TRHDE: variants seen among roughly 807,000 people sequenced by gnomAD.
TRHDE encodes the protein thyrotropin-releasing hormone-degrading ectoenzyme.
A neutral mutation model predicts 125.7 loss-of-function variants in TRHDE; 72 were observed. The observed-to-expected ratio is 0.57, with a 90% CI of 0.47 to 0.70. TRHDE has a LOEUF of 0.70. Among genes scored for constraint, TRHDE ranks in the 30% least tolerant of loss-of-function variants. TRHDE has a pLI of 0.00. For missense variants in TRHDE, 1,110 were observed against 1,327.1 expected, an observed-to-expected ratio of 0.84 and a Z score of 2.54; for synonymous variants, 509 against 509.1, an observed-to-expected ratio of 1.00 and a Z score of 0.00.
At chr12:72,636,583 G>T (rs1267835681) in intron 15 of TRHDE, among the ~76,000 whole-genome samples, 2 of 151,818 alleles carry the variant, frequency 1.3e-5, no homozygotes, top group African/African-American at 2.4e-5. Flanking sequence ...TCTTGTGCCA[G>T]TTTTCAAAGG....
intron 15 of TRHDE, among the ~76,000 whole-genome samples, chr12:72,648,164 A>G (rs1216914555): frequency 6.6e-6 from 1 of 152,134 alleles, no homozygotes; most frequent in African/African-American, 2.4e-5. Flanking sequence ...GATCATCTCA[A>G]TAAATACAAA....
chr12:72,475,889 G>A (rs537339717), intron 5 of TRHDE, among the ~76,000 whole-genome samples: 1 of 152,052 alleles, frequency 6.6e-6, no homozygotes, highest in East Asian at 1.9e-4. Context: ...GAAGAAACAA[G>A]TCTTATTATG....
intron 12 of TRHDE, among the ~76,000 whole-genome samples, chr12:72,603,589 G>A (rs1291370192): frequency 1.3e-5 from 2 of 152,068 alleles, no homozygotes; most frequent in African/African-American, 4.8e-5. Context: ...GCCGGGCGTG[G>A]TGGCAGGCGC....
At chr12:72,389,857 G>A (rs1872559053) in intron 3 of TRHDE, among the ~76,000 whole-genome samples, 1 of 152,110 alleles carries the variant, frequency 6.6e-6, no homozygotes, top group Non-Finnish European at 1.5e-5. Context: ...AGACTATTGG[G>A]GGATGGGAGC....
chr12:72,128,546 TG>T (rs779237137), intron 2 of TRHDE, among the ~76,000 whole-genome samples: 11 of 152,196 alleles, frequency 7.2e-5, no homozygotes, highest in Non-Finnish European at 1.2e-4. Flanking sequence ...CTACGTCATA[TG>T]TTCAAAAACT....
chr12:72,392,335 C>G (rs1354963567), intron 3 of TRHDE, among the ~76,000 whole-genome samples: 1 of 152,140 alleles, frequency 6.6e-6, no homozygotes, highest in African/African-American at 2.4e-5. Context: ...ATGAATTACT[C>G]AGCTCTTTCA....
chr12:72,294,093 G>A lies in TRHDE; in HGVS notation c.1188+7139G>A, dbSNP rs148186070. Among the ~76,000 whole-genome samples the A allele has an allele frequency of 1.4e-4, 22 of 152,308 alleles. 1 individual carries two copies. In the East Asian group the frequency reaches 4.1e-3, roughly 28 times the overall value. Reference sequence around the variant, plus strand: ...CAGGAACCACAGGGCCCCAAAGAGGGAGTCACAGCCCTGGCTCAGGGAGTT... The same window carrying A: ...CAGGAACCACAGGGCCCCAAAGAGGAAGTCACAGCCCTGGCTCAGGGAGTT... On this transcript the variant is annotated intron_variant, in intron 2 of 18. Transcript: ENST00000261180.
chr12:72,414,199 C>T (rs1405681105), intron 3 of TRHDE, among the ~76,000 whole-genome samples: 2 of 151,900 alleles, frequency 1.3e-5, no homozygotes, highest in Admixed American at 6.6e-5. Context: ...ATTTGTATGA[C>T]CGGGGTCAAA....
intron 12 of TRHDE, among the ~76,000 whole-genome samples, chr12:72,579,292 T>G (rs1871138638): frequency 6.6e-6 from 1 of 152,076 alleles, no homozygotes; most frequent in African/African-American, 2.4e-5. Context: ...TGGTATATAT[T>G]TTTTAAACTT....
At chr12:72,448,812 G>A (rs77565536) in intron 3 of TRHDE, among the ~76,000 whole-genome samples, 4,474 of 151,738 alleles carry the variant, frequency 0.029, 223 homozygotes, top group African/African-American at 0.1. Flanking sequence ...GCCTTTAGAG[G>A]TAATGGAAAT....
At chr12:72,236,697 A>G (rs537007483) in intron 2 of TRHDE, among the ~76,000 whole-genome samples, 1 of 152,174 alleles carries the variant, frequency 6.6e-6, no homozygotes, top group African/African-American at 2.4e-5. Flanking sequence ...AACAAAATCC[A>G]AAAAACAGTA....
At chr12:72,576,064 ATAAT>A (rs560870749) in intron 12 of TRHDE, among the ~76,000 whole-genome samples, 74 of 152,224 alleles carry the variant, frequency 4.9e-4, no homozygotes, top group African/African-American at 1.6e-3. Flanking sequence ...TGTTATTTTA[ATAAT>A]TAGATTTATA....
intron 2 of TRHDE, among the ~76,000 whole-genome samples, chr12:72,152,431 A>G (rs1876390831): frequency 2.0e-5 from 3 of 151,948 alleles, no homozygotes; most frequent in African/African-American, 2.4e-5. Context: ...TTCCAACACT[A>G]TGTTGAATAG....
intron 16 of TRHDE, among the ~76,000 whole-genome samples, 188 bp downstream of exon 16, chr12:72,652,677 G>A (rs1410410477): frequency 8.9e-6 from 1 of 111,826 alleles, no homozygotes; most frequent in Non-Finnish European, 1.8e-5. Flanking sequence ...CTTTTTATGA[G>A]TATTTATTTT....
intron 12 of TRHDE, among the ~76,000 whole-genome samples, chr12:72,588,616 A>T (rs1221608991): frequency 6.6e-6 from 1 of 152,046 alleles, no homozygotes; most frequent in Non-Finnish European, 1.5e-5. Context: ...AGGATCACTG[A>T]CTCTGTCTGC....
At chr12:72,592,872 G>T (rs568677755) in intron 12 of TRHDE, among the ~76,000 whole-genome samples, 4 of 151,908 alleles carry the variant, frequency 2.6e-5, no homozygotes, top group Non-Finnish European at 5.9e-5. Flanking sequence ...CACTATGCCC[G>T]GCTAATTTTG....
At chr12:72,471,168 G>A (rs1000079816) in intron 4 of TRHDE, among the ~76,000 whole-genome samples, 7 of 151,976 alleles carry the variant, frequency 4.6e-5, no homozygotes, top group South Asian at 2.1e-4. Flanking sequence ...GTGAGCCACC[G>A]TGCCCAGCCC....
chr12:72,410,612 G>A (rs1329339892), intron 3 of TRHDE, among the ~76,000 whole-genome samples: 1 of 151,990 alleles, frequency 6.6e-6, no homozygotes, highest in Non-Finnish European at 1.5e-5. Context: ...AAAAAGGAGA[G>A]AAAATATATG....
intron 2 of TRHDE, among the ~76,000 whole-genome samples, chr12:72,247,928 CTATCATCTATCTTTT>C (rs1391649070): frequency 1.3e-5 from 2 of 152,036 alleles, no homozygotes; most frequent in East Asian, 3.9e-4. Flanking sequence ...TATCTATTAT[CTATCATCTATCTTTT>C]TATCATCTAT....
Sources: gnomAD v4.1 joint callset for allele counts (sites outside exome capture counted in the v4.1 genomes callset) on GRCh38, gnomAD v4.1.1 for gene constraint, MANE v1.5 for transcripts, NCBI Gene and HGNC (gene_info 2026-07-23, HGNC 2026-07-21) for gene names.